MAPKBP1: variants seen among roughly 807,000 people sequenced by gnomAD.
MAPKBP1 encodes mitogen-activated protein kinase-binding protein 1.
Under a neutral mutation model 170.5 loss-of-function variants are expected in MAPKBP1, and 71 were observed. The observed-to-expected ratio is 0.42, with a 90% confidence interval of 0.34 to 0.51. MAPKBP1 has a LOEUF of 0.51. Ranked by LOEUF, MAPKBP1 falls within the 20% of genes least tolerant of loss-of-function variation. MAPKBP1 has a pLI of 0.06. For missense variants in MAPKBP1, 1,598 were observed against 1,933.0 expected (o/e 0.83, Z 3.25); for synonymous variants, 719 against 757.9 (o/e 0.95, Z 0.84).
At chr15:41,816,020 G>A (rs1443271538) in intron 12 of MAPKBP1, among the ~76,000 whole-genome samples, 3 of 152,244 alleles carry the variant, frequency 2.0e-5, no homozygotes, top group African/African-American at 7.2e-5. Context: ...ATGATAGGAT[G>A]TACTAAGAAG....
intron 22 of MAPKBP1, 91 bp downstream of exon 22, chr15:41,819,741 G>A (rs2064962877): frequency 7.5e-7 from 1 of 1,334,292 alleles, no homozygotes; most frequent in Non-Finnish European, 1.0e-6. Flanking sequence ...TAGGGTACTG[G>A]GGCATGGGGT....
At chr15:41,812,181 G>A in intron 6 of MAPKBP1, 54 bp downstream of exon 6, 1 of 1,603,800 alleles carries the variant, frequency 6.2e-7, no homozygotes, top group Non-Finnish European at 8.5e-7. Flanking sequence ...AGTGTCAGCT[G>A]GGGAGGCAAG....
chr15:41,815,124 T>C (rs2064867962), intron 10 of MAPKBP1, 135 bp from the exon 11 acceptor site: 4 of 994,556 alleles, frequency 4.0e-6, no homozygotes, highest in Non-Finnish European at 4.6e-6. Context: ...ATACCAGTTA[T>C]GTATGGCCTG....
intron 3 of MAPKBP1, among the ~76,000 whole-genome samples, chr15:41,805,388 C>T (rs1478004772): frequency 1.3e-5 from 2 of 152,226 alleles, no homozygotes; most frequent in Non-Finnish European, 2.9e-5. Context: ...GGTTGATGGG[C>T]CTTCAAGCCC....
chr15:41,791,469 T>TTGG (rs2064394925), intron 2 of MAPKBP1, among the ~76,000 whole-genome samples: 1 of 152,194 alleles, frequency 6.6e-6, no homozygotes, highest in African/African-American at 2.4e-5. Flanking sequence ...CAGGAAGCCC[T>TTGG]TCCTAACAGT....
rs747937020 is a variant in MAPKBP1, at chr15:41,823,671, C to G, written c.3823C>G (p.Arg1275Gly). 29 of 1,614,180 alleles carry G rather than the reference C, an allele frequency of 1.8e-5. No individual in the cohort carries two copies. In the South Asian group the frequency reaches 3.1e-4, roughly 17 times the overall value. ...VAEPQAHAPI[R>G]VSPLSKLALP... ...TGAACCTCAAGCTCATGCCCCCATC[C>G]GAGTCTCACCACTCAGCAAGCTGGC... Residue 1275 changes from arginine (R) to glycine (G), a missense_variant, in exon 29 of 31, where the codon CGA (arginine) becomes GGA (glycine). Physicochemically the swap from Arg to Gly is moderately radical, Grantham distance 125. Coordinates refer to ENST00000457542, the MANE Select transcript of MAPKBP1 (RefSeq NM_014994.3).
At chr15:41,782,092 C>CAA (rs58449893) in intron 2 of MAPKBP1, among the ~76,000 whole-genome samples, 57 of 111,172 alleles carry the variant, frequency 5.1e-4, no homozygotes, top group African/African-American at 1.6e-3. Context: ...ACTAAAAATA[C>CAA]AAAAAAAAAA....
intron 3 of MAPKBP1, among the ~76,000 whole-genome samples, chr15:41,807,458 G>T (rs2152076519): frequency 6.6e-6 from 1 of 152,342 alleles, no homozygotes; most frequent in East Asian, 1.9e-4. Context: ...TTGGAATATG[G>T]TTGGCTGGAT....
intron 3 of MAPKBP1, among the ~76,000 whole-genome samples, chr15:41,807,103 T>C (rs989720397): frequency 2.0e-5 from 3 of 152,230 alleles, no homozygotes; most frequent in Non-Finnish European, 2.9e-5. Flanking sequence ...CTTGCTTAGC[T>C]CTTCCATGGC....
intron 3 of MAPKBP1, among the ~76,000 whole-genome samples, chr15:41,803,422 A>AC: frequency 6.8e-6 from 1 of 146,392 alleles, no homozygotes; most frequent in Non-Finnish European, 1.5e-5. Context: ...TCAAAAAAAA[A>AC]AAAAAAAAAA....
At chr15:41,784,750 C>G in intron 2 of MAPKBP1, among the ~76,000 whole-genome samples, 1 of 144,856 alleles carries the variant, frequency 6.9e-6, no homozygotes, top group East Asian at 2.0e-4. Flanking sequence ...CCACTACACT[C>G]CAGCCTGGCA....
intron 3 of MAPKBP1, among the ~76,000 whole-genome samples, chr15:41,808,249 G>A (rs2064738273): frequency 6.6e-6 from 1 of 150,914 alleles, no homozygotes; most frequent in Non-Finnish European, 1.5e-5. Flanking sequence ...TGGGACTACA[G>A]GTGCCCGCCA....
chr15:41,816,767 G>T, intron 13 of MAPKBP1, 117 bp downstream of exon 13: 1 of 1,460,246 alleles, frequency 6.8e-7, no homozygotes. Flanking sequence ...GTCTTTGCTG[G>T]TTTAGAGGAA....
Position 41,818,945 on chromosome 15 carries a change from CT to C in MAPKBP1, c.2280del (p.Gly761AspfsTer65). ...QQGPSSPQRA[S>X]GPNRHQAPSM... Reference sequence around the variant, plus strand: ...GGACCATCCTCTCCCCAAAGGGCTTCTGGACCCAACCGGTGAGAACAGAATG... The same window carrying C: ...GGACCATCCTCTCCCCAAAGGGCTTCGGACCCAACCGGTGAGAACAGAATG... On this transcript the variant is annotated frameshift_variant, in exon 20 of 31. Transcript: ENST00000457542. LOFTEE classifies it high-confidence loss of function. The surrounding 1 kb of genome is among the most constrained non-coding windows in gnomAD (Gnocchi z 5.2). The C allele has an allele frequency of 6.2e-7, 1 of 1,614,168 alleles. No individual in the cohort carries two copies. The highest frequency in any genetic ancestry group is 8.5e-7 in the Non-Finnish European group (1 of 1,180,026).
intron 4 of MAPKBP1, 39 bp downstream of exon 4, chr15:41,810,984 G>A (rs1294463402): frequency 1.2e-6 from 2 of 1,609,546 alleles, no homozygotes; most frequent in South Asian, 1.1e-5. Flanking sequence ...TCTTCCTTCT[G>A]GGAGCTATGA....
At chr15:41,811,616 T>C (rs1420586094) in intron 5 of MAPKBP1, 2 of 614,632 alleles carry the variant, frequency 3.3e-6, no homozygotes, top group South Asian at 3.0e-5. Context: ...GGAACGCTTC[T>C]GTCCTGGCGG....
intron 21 of MAPKBP1, 38 bp from the exon 22 acceptor site, chr15:41,819,557 G>GGGGCCCCCCCC: frequency 7.2e-7 from 1 of 1,384,664 alleles, no homozygotes; most frequent in Non-Finnish European, 1.0e-6. Context: ...CGGGGGGGGG[G>GGGGCCCCCCCC]CAGGAGACAC....
Position 41,823,672 on chromosome 15 carries a change from G to T in MAPKBP1, c.3824G>T (p.Arg1275Leu). Residue 1275 changes from arginine (R) to leucine (L), a missense_variant, in exon 29 of 31, where the codon CGA becomes CTA. Arg to Leu is a moderately radical substitution (Grantham distance 102, BLOSUM62 -2). Transcript: ENST00000457542. ...GAACCTCAAGCTCATGCCCCCATCC[G>T]AGTCTCACCACTCAGCAAGCTGGCC... is the stretch of plus-strand genomic sequence containing the variant. ...VAEPQAHAPIRVSPLSKLALP... is the reference protein window; with the variant it reads ...VAEPQAHAPILVSPLSKLALP... 6.2e-7 allele frequency: 1 copy of T among 1,614,102 alleles called. No individual in the cohort carries two copies. The highest frequency in any genetic ancestry group is 8.5e-7 in the Non-Finnish European group (1 of 1,180,018).
intron 6 of MAPKBP1, 87 bp from the exon 7 acceptor site, chr15:41,812,429 A>C (rs2064821446): frequency 1.3e-6 from 2 of 1,558,490 alleles, no homozygotes; most frequent in African/African-American, 2.7e-5. Context: ...GTCAAGTACA[A>C]ATTCTAATTC....
Sources: allele counts gnomAD v4.1 joint callset (sites outside exome capture counted in the v4.1 genomes callset), GRCh38; gene constraint gnomAD v4.1.1; non-coding constraint Gnocchi (gnomAD v3.1); transcripts MANE v1.5; gene names NCBI Gene and HGNC (gene_info 2026-07-23, HGNC 2026-07-21).